FAR1: variants seen among roughly 807,000 people sequenced by gnomAD.
The protein encoded by FAR1 is fatty acyl-CoA reductase 1, also known as male sterility domain-containing protein 2.
A neutral mutation model predicts 61.1 loss-of-function variants in FAR1; 22 were observed. The ratio of observed to expected loss-of-function variants is 0.36; its 90% CI spans 0.26 to 0.51. FAR1 has a LOEUF of 0.51. Ranked by LOEUF, FAR1 falls within the 20% of genes least tolerant of loss-of-function variation. The probability of loss-of-function intolerance (pLI) is 0.95; values close to 1 mark genes in which losing one functional copy is unlikely to be tolerated. For synonymous variants in FAR1, 206 were observed against 209.7 expected (o/e 0.98, Z 0.15); for missense variants, 359 against 626.9 (o/e 0.57, Z 4.56).
At chr11:13,672,527 A>G (rs1301385674) in intron 1 of FAR1, among the ~76,000 whole-genome samples, 1 of 150,694 alleles carries the variant, frequency 6.6e-6, no homozygotes, top group African/African-American at 2.5e-5. Flanking sequence ...CCTAAGTGAC[A>G]AAGTGAGACC....
chr11:13,722,500 A>T (rs1486697936), intron 10 of FAR1, among the ~76,000 whole-genome samples: 1 of 150,760 alleles, frequency 6.6e-6, no homozygotes, highest in East Asian at 1.9e-4. Flanking sequence ...TTTGAGATAG[A>T]GTTTCGTTCT....
intron 10 of FAR1, among the ~76,000 whole-genome samples, chr11:13,726,906 A>AT (rs1848672586): frequency 6.6e-6 from 1 of 152,006 alleles, no homozygotes; most frequent in Non-Finnish European, 1.5e-5. Flanking sequence ...AAGTGATGGT[A>AT]TATACTGAAT....
chr11:13,685,117 A>G (rs1276947936), intron 1 of FAR1, among the ~76,000 whole-genome samples: 1 of 152,144 alleles, frequency 6.6e-6, no homozygotes, highest in Non-Finnish European at 1.5e-5. Flanking sequence ...ATGTCTTTTT[A>G]TTCAAATTGA....
chr11:13,724,343 C>T (rs866249504), intron 10 of FAR1, among the ~76,000 whole-genome samples: 16 of 151,172 alleles, frequency 1.1e-4, no homozygotes, highest in South Asian at 2.1e-4. Flanking sequence ...CTCAGGAGTT[C>T]GAGACCAGCC....
At chr11:13,689,961 C>T (rs972635729) in intron 1 of FAR1, among the ~76,000 whole-genome samples, 11 of 151,414 alleles carry the variant, frequency 7.3e-5, no homozygotes, top group South Asian at 2.1e-4. Flanking sequence ...CTGCAACCTC[C>T]GTATCCCGGG....
At position 13,711,820 on chromosome 11, in the gene FAR1, TTTTGA is replaced by T. The variant is rs1254601929; in HGVS notation, c.768+16_768+20del. On this transcript the variant is annotated intron_variant, in intron 6 of 11. Transcript: ENST00000354817. ...GTCTCTTTATTGCGGTAAGTAAACC[TTTTGA>T]TTTATTTAATATTCTATACATTTTT... 5 of 1,590,296 alleles carry T rather than the reference TTTTGA, an allele frequency of 3.1e-6. No homozygotes were observed. Among genetic ancestry groups the T allele is most frequent in the South Asian group, 2.3e-5 (2 of 88,342 alleles).
chr11:13,672,636 G>A (rs1848020916), intron 1 of FAR1, among the ~76,000 whole-genome samples: 1 of 151,566 alleles, frequency 6.6e-6, no homozygotes, highest in Non-Finnish European at 1.5e-5. Flanking sequence ...ATGTGGGTAG[G>A]CTAGTCTGAA....
At chr11:13,683,461 T>TA (rs935110143) in intron 1 of FAR1, among the ~76,000 whole-genome samples, 14 of 151,818 alleles carry the variant, frequency 9.2e-5, no homozygotes, top group Middle Eastern at 3.4e-3. Flanking sequence ...TGATTGGGAG[T>TA]AAAAAAAACA....
chr11:13,715,667 G>A (rs570459115), intron 9 of FAR1: 7 of 152,140 alleles, frequency 4.6e-5, no homozygotes, highest in East Asian at 1.9e-4. Context: ...TTTTCTTATC[G>A]TTGTTATAGC....
chr11:13,679,799 C>T (rs1008307131), intron 1 of FAR1, among the ~76,000 whole-genome samples: 3 of 152,058 alleles, frequency 2.0e-5, no homozygotes, highest in Non-Finnish European at 4.4e-5. Context: ...TAACATTTCC[C>T]AGGATAGTAA....
intron 4 of FAR1, 117 bp downstream of exon 4, chr11:13,708,196 A>G: frequency 1.6e-6 from 1 of 619,542 alleles, no homozygotes; most frequent in Non-Finnish European, 2.5e-6. Flanking sequence ...ACCCCATCTC[A>G]CTAAAAATAC....
chr11:13,718,420 A>T (rs1848576574), intron 9 of FAR1, among the ~76,000 whole-genome samples: 2 of 152,168 alleles, frequency 1.3e-5, no homozygotes, highest in South Asian at 4.1e-4. Flanking sequence ...ACCAGAGGTG[A>T]CAGTTTGTTG....
At chr11:13,703,615 AG>A (rs1273483545) in intron 3 of FAR1, among the ~76,000 whole-genome samples, 6 of 152,342 alleles carry the variant, frequency 3.9e-5, no homozygotes, top group African/African-American at 1.4e-4. Context: ...GGATGTATTA[AG>A]GAGCACACAT....
Position 13,700,633 on chromosome 11 carries a change from C to G in FAR1, c.365+141C>G, listed in dbSNP as rs943793409. The G allele has an allele frequency of 2.4e-4, 109 of 449,526 alleles. 2 individuals are homozygous for G. The highest frequency in any genetic ancestry group is 2.3e-3 in the Middle Eastern group (4 of 1,708). The allele number at this position is 449,526 out of a possible 1,614,324, so 27.8% of individuals were successfully genotyped here. A position where few individuals can be genotyped will look rare whatever the true frequency, so the allele number is the denominator to read the frequency against. ...GTTAACTGTGGCTTTCAGTGTCCTA[C>G]AGAGTGTTAAAAGAATTCTCTTCTT... is the stretch of plus-strand genomic sequence containing the variant. On this transcript the variant is annotated intron_variant, in intron 3 of 11. Transcript: ENST00000354817.
intron 1 of FAR1, among the ~76,000 whole-genome samples, chr11:13,674,104 G>A (rs551207681): frequency 1.3e-5 from 2 of 152,160 alleles, no homozygotes; most frequent in Non-Finnish European, 2.9e-5. Context: ...GAGGTCAGGA[G>A]TTCGATACCA....
intron 1 of FAR1, among the ~76,000 whole-genome samples, chr11:13,678,933 G>A (rs1848096899): frequency 6.6e-6 from 1 of 152,104 alleles, no homozygotes; most frequent in African/African-American, 2.4e-5. Context: ...AGAAAATACA[G>A]CATATATATG....
chr11:13,683,183 A>G (rs1848147273), intron 1 of FAR1, among the ~76,000 whole-genome samples: 1 of 152,122 alleles, frequency 6.6e-6, no homozygotes, highest in Admixed American at 6.5e-5. Flanking sequence ...TTTTGAGGTC[A>G]GGAGTTGGAG....
intron 10 of FAR1, among the ~76,000 whole-genome samples, chr11:13,723,772 ATTT>A (rs1848640141): frequency 6.6e-6 from 1 of 152,190 alleles, no homozygotes; most frequent in South Asian, 2.1e-4. Context: ...ACTCTAGATA[ATTT>A]AAGATTCTGT....
chr11:13,677,711 T>C (rs1471220337), intron 1 of FAR1, among the ~76,000 whole-genome samples: 3 of 152,238 alleles, frequency 2.0e-5, no homozygotes, highest in African/African-American at 7.2e-5. Flanking sequence ...GCTTTTTTAG[T>C]CCTAGCCTTT....
Sources: allele counts gnomAD v4.1 joint callset (sites outside exome capture counted in the v4.1 genomes callset), GRCh38; gene constraint gnomAD v4.1.1; transcripts MANE v1.5; gene names NCBI Gene and HGNC (gene_info 2026-07-23, HGNC 2026-07-21).